The following LTF variants were observed in gnomAD, a reference collection of about 807,000 sequenced individuals.
LTF encodes the protein lactotransferrin.
Under a neutral mutation model 87.2 loss-of-function variants are expected in LTF, and 91 were observed. That is an observed-to-expected ratio of 1.04 (90% CI 0.88 to 1.24). LTF has a LOEUF of 1.24. Among genes scored for constraint, LTF ranks in the 50% most tolerant of loss-of-function variants. The probability of loss-of-function intolerance (pLI) is 0.00; values close to 1 mark genes in which losing one functional copy is unlikely to be tolerated. For synonymous variants in LTF, 378 were observed against 356.1 expected (o/e 1.06, Z -0.69); for missense variants, 901 against 904.3 (o/e 1.00, Z 0.05).
chr3:46,454,344 C>G lies in LTF; in HGVS notation c.664G>C (p.Ala222Pro). The change falls in exon 6 of 17, where the codon GCT (alanine) becomes CCT (proline). Residue 222 changes from alanine to proline, a missense_variant. By Grantham distance (27) the Ala-to-Pro change is conservative (BLOSUM62 -1). Transcript: ENST00000231751. Reference protein sequence around the residue: ...SGAFKCLRDGAGDVAFIREST... With the variant: ...SGAFKCLRDGPGDVAFIREST... ...TCTCTGATAAAAGCCACGTCTCCAG[C>G]CCCGTCTCTCAGACACCTGTGAAAA... 6.2e-7 allele frequency: 1 copy of G among 1,614,184 alleles called. No individual in the cohort carries two copies. Among genetic ancestry groups the G allele is most frequent in the Non-Finnish European group, 8.5e-7 (1 of 1,180,014 alleles).
chr3:46,439,855 C>A (rs1575304367), intron 14 of LTF, among the ~76,000 whole-genome samples: 1 of 152,100 alleles, frequency 6.6e-6, no homozygotes, highest in East Asian at 1.9e-4. Context: ...GTGGGAGAAT[C>A]ACTTGAAGCT....
chr3:46,439,277 G>T lies in LTF; in HGVS notation c.1908+19C>A, dbSNP rs1364354147. 2.5e-6 allele frequency: 4 copies of T among 1,588,198 alleles called. No individual in the cohort carries two copies. Among genetic ancestry groups the T allele is most frequent in the Non-Finnish European group, 3.4e-6 (4 of 1,167,336 alleles). ...AGCCCACACAGCTAAGAAAGCACTAGAAGCCCTGTGGTCCATACCTGTTGG... is the reference window on the plus strand; with the variant it reads ...AGCCCACACAGCTAAGAAAGCACTATAAGCCCTGTGGTCCATACCTGTTGG... On this transcript the variant is annotated intron_variant, in intron 15 of 16. Transcript: ENST00000231751.
At chr3:46,453,165 C>T (rs1702842769) in intron 6 of LTF, among the ~76,000 whole-genome samples, 1 of 152,076 alleles carries the variant, frequency 6.6e-6, no homozygotes, top group African/African-American at 2.4e-5. Flanking sequence ...AAAAAGTAGT[C>T]AAATGTCACA....
chr3:46,482,444 T>C (rs1703444188), intron 1 of LTF, among the ~76,000 whole-genome samples: 1 of 141,234 alleles, frequency 7.1e-6, no homozygotes, highest in South Asian at 2.2e-4. Flanking sequence ...AACTCCAGCC[T>C]GGACATTAAA....
chr3:46,477,881 G>A (rs1347759767), intron 1 of LTF, among the ~76,000 whole-genome samples: 1 of 152,144 alleles, frequency 6.6e-6, no homozygotes, highest in Non-Finnish European at 1.5e-5. Flanking sequence ...CCTTTCCCCA[G>A]GCGGCTCCAG....
chr3:46,482,716 GAGAAAGA>G (rs1703463558), intron 1 of LTF, among the ~76,000 whole-genome samples: 1 of 89,904 alleles, frequency 1.1e-5, no homozygotes, highest in African/African-American at 5.3e-5. Context: ...AAGAAAGAAA[GAGAAAGA>G]AAGGAAGGAA....
At position 46,446,445 on chromosome 3, in the gene LTF, A is replaced by C. The variant is rs1441657945; in HGVS notation, c.1352T>G (p.Val451Gly). 1 of 1,613,042 alleles carries C rather than the reference A, an allele frequency of 6.2e-7. No homozygotes were observed. Among genetic ancestry groups the C allele is most frequent in the Non-Finnish European group, 8.5e-7 (1 of 1,179,508 alleles). The part of the protein sequence containing the change: ...DPDPNCVDRP[V>G]EGYLAVAVVR... ...AGTGGCTAATGCCAACTCACCTTCCACAGGTCTATCCACACAGTTAGGATC... is the reference window on the plus strand; with the variant it reads ...AGTGGCTAATGCCAACTCACCTTCCCCAGGTCTATCCACACAGTTAGGATC... The change falls in exon 11 of 17, where the codon GTG becomes GGG. Residue 451 changes from valine (V) to glycine (G), a missense_variant. Val to Gly is a moderately radical substitution (Grantham distance 109). Coordinates refer to ENST00000231751, the MANE Select transcript of LTF (RefSeq NM_002343.6).
At chr3:46,476,552 G>A (rs987418461) in intron 1 of LTF, among the ~76,000 whole-genome samples, 2 of 152,316 alleles carry the variant, frequency 1.3e-5, no homozygotes, top group East Asian at 3.9e-4. Flanking sequence ...TTATTAAAGT[G>A]TAGCATACAT....
intron 1 of LTF, among the ~76,000 whole-genome samples, chr3:46,484,018 C>G (rs13069424): frequency 0.067 from 10,123 of 152,186 alleles, 490 homozygotes; most frequent in South Asian, 0.17. Flanking sequence ...TTGGCACTCC[C>G]CAGAGGTGCT....
intron 12 of LTF, among the ~76,000 whole-genome samples, 188 bp from the exon 13 acceptor site, chr3:46,443,770 T>G (rs891248282): frequency 6.6e-6 from 1 of 152,072 alleles, no homozygotes; most frequent in Non-Finnish European, 1.5e-5. Flanking sequence ...AAAGCTTCAT[T>G]CAGACTGTAG....
chr3:46,441,187 G>GTC (rs869175598), intron 14 of LTF, among the ~76,000 whole-genome samples: 1 of 148,448 alleles, frequency 6.7e-6, no homozygotes, highest in Non-Finnish European at 1.5e-5. Context: ...GTGTGTGTGT[G>GTC]TGTGTGAGAG....
intron 16 of LTF, 63 bp from the exon 17 acceptor site, chr3:46,436,292 A>G: frequency 7.0e-7 from 1 of 1,429,840 alleles, no homozygotes; most frequent in African/African-American, 1.4e-5. Context: ...CAGTTATTTA[A>G]TCCAATAAAT....
intron 1 of LTF, among the ~76,000 whole-genome samples, chr3:46,481,021 C>G (rs1703424681): frequency 6.6e-6 from 1 of 152,190 alleles, no homozygotes; most frequent in Admixed American, 6.5e-5. Flanking sequence ...CAGCACGGCC[C>G]AGCCACACTC....
chr3:46,450,385 C>T (rs1322164551), intron 7 of LTF, 110 bp downstream of exon 7: 1 of 1,186,180 alleles, frequency 8.4e-7, no homozygotes, highest in African/African-American at 1.5e-5. Context: ...AGTGTGCTAT[C>T]CTGCAGCAAA....
intron 1 of LTF, among the ~76,000 whole-genome samples, chr3:46,483,778 G>T (rs1313263415): frequency 1.3e-5 from 2 of 152,096 alleles, no homozygotes; most frequent in African/African-American, 4.8e-5. Context: ...TGTAGGTTAG[G>T]TGTCAGTATA....
At chr3:46,452,030 T>C (rs1170447159) in intron 6 of LTF, among the ~76,000 whole-genome samples, 1 of 152,146 alleles carries the variant, frequency 6.6e-6, no homozygotes, top group Non-Finnish European at 1.5e-5. Context: ...ATTCTAGATA[T>C]CCAGATCACA....
At chr3:46,475,706 T>C (rs1703352666) in intron 1 of LTF, among the ~76,000 whole-genome samples, 1 of 151,902 alleles carries the variant, frequency 6.6e-6, no homozygotes, top group Non-Finnish European at 1.5e-5. Flanking sequence ...TTTTTTAAGT[T>C]AAAAAAAACT....
intron 1 of LTF, among the ~76,000 whole-genome samples, chr3:46,482,425 A>G (rs1703443823): frequency 6.6e-6 from 1 of 150,610 alleles, no homozygotes; most frequent in Non-Finnish European, 1.5e-5. Context: ...AGCTGTGATC[A>G]CACCATTGAA....
At chr3:46,449,147 C>A in intron 8 of LTF, 130 bp from the exon 9 acceptor site, 1 of 765,886 alleles carries the variant, frequency 1.3e-6, no homozygotes, top group Non-Finnish European at 2.0e-6. Flanking sequence ...GACATGTGGA[C>A]CCATACCCTC....
Sources: allele counts gnomAD v4.1 joint callset (sites outside exome capture counted in the v4.1 genomes callset), GRCh38; gene constraint gnomAD v4.1.1; transcripts MANE v1.5; gene names NCBI Gene and HGNC (gene_info 2026-07-23, HGNC 2026-07-21).